Variants in JAK2 observed in about 807,000 individuals in gnomAD.
JAK2 encodes tyrosine-protein kinase JAK2.
Under a neutral mutation model 139.3 loss-of-function variants are expected in JAK2, and 86 were observed. That is an observed-to-expected ratio of 0.62 (90% CI 0.52 to 0.74). The LOEUF (loss-of-function observed/expected upper bound fraction) is 0.74. JAK2 is among the 30% of genes least tolerant of loss of function. The pLI, the probability that JAK2 is intolerant of heterozygous loss-of-function variation, is 0.00. For missense variants in JAK2, 1,421 were observed against 1,360.3 expected (o/e 1.04, Z -0.70); for synonymous variants, 490 against 437.7 (o/e 1.12, Z -1.49).
At chr9:5,058,125 A>G (rs1368651804) in intron 8 of JAK2, among the ~76,000 whole-genome samples, 5 of 152,310 alleles carry the variant, frequency 3.3e-5, no homozygotes, top group Non-Finnish European at 7.3e-5. Context: ...CTTTTTGACA[A>G]TTGTGAGTAA....
At position 5,126,992 on chromosome 9, in the gene JAK2, G is replaced by C; in HGVS notation, c.*201G>C. 1 of 322,810 alleles carries C rather than the reference G, an allele frequency of 3.1e-6. No individual in the cohort carries two copies. 20.0% of individuals were successfully genotyped at this position (322,810 alleles called of 1,614,324 possible). On this transcript the variant is annotated 3_prime_UTR_variant, in exon 25 of 25. Coordinates refer to ENST00000381652, the MANE Select transcript of JAK2 (RefSeq NM_004972.4). Reference sequence around the variant, plus strand: ...GGCCACCAGTAAAAGACATTAATGAGAATTCCTTAGCAAGGATTTTGTAAG... The same window carrying C: ...GGCCACCAGTAAAAGACATTAATGACAATTCCTTAGCAAGGATTTTGTAAG...
chr9:5,098,399 C>T (rs1464356616), intron 22 of JAK2: 2 of 152,162 alleles, frequency 1.3e-5, no homozygotes, highest in African/African-American at 2.4e-5. Context: ...ATAGAAGAAC[C>T]GCTCACTTTC....
At chr9:5,110,175 G>A (rs1313393413) in intron 22 of JAK2, 1 of 152,146 alleles carries the variant, frequency 6.6e-6, no homozygotes, top group African/African-American at 2.4e-5. Flanking sequence ...ATCCGCCATA[G>A]AAGGCCCAAC....
At chr9:4,993,186 T>C (rs1482317499) in intron 2 of JAK2, among the ~76,000 whole-genome samples, 1 of 152,182 alleles carries the variant, frequency 6.6e-6, no homozygotes, top group Non-Finnish European at 1.5e-5. Context: ...AGGAACTCTT[T>C]CCTCCCCTAA....
intron 22 of JAK2, chr9:5,112,611 T>A: frequency 1.2e-6 from 1 of 867,380 alleles, no homozygotes; most frequent in Non-Finnish European, 1.8e-6. Context: ...CTGGGGCGCA[T>A]GTGGCAACTG....
chr9:5,029,652 G>A (rs1718934373), intron 3 of JAK2, 131 bp from the exon 4 acceptor site: 1 of 737,954 alleles, frequency 1.4e-6, no homozygotes, highest in Non-Finnish European at 2.1e-6. Flanking sequence ...TATATCAAAA[G>A]ATTTCGACTG....
At chr9:5,089,642 G>GTATT in intron 19 of JAK2, 32 bp from the exon 20 acceptor site, 1 of 1,163,814 alleles carries the variant, frequency 8.6e-7, no homozygotes, top group East Asian at 3.0e-5. Context: ...TGAAAACTTG[G>GTATT]TATTTCCATC....
At chr9:5,125,486 G>A (rs917247514) in intron 23 of JAK2, among the ~76,000 whole-genome samples, 9 of 151,304 alleles carry the variant, frequency 5.9e-5, no homozygotes, top group African/African-American at 1.9e-4. Context: ...ACATCCTCAT[G>A]CATAAATATT....
chr9:5,069,338 C>T, intron 11 of JAK2, 130 bp downstream of exon 11: 1 of 613,524 alleles, frequency 1.6e-6, no homozygotes, highest in Non-Finnish European at 2.8e-6. Context: ...TTATCTTATT[C>T]TATTGTACAA....
chr9:5,023,784 G>C (rs576532005), intron 3 of JAK2, among the ~76,000 whole-genome samples: 1 of 152,266 alleles, frequency 6.6e-6, no homozygotes, highest in African/African-American at 2.4e-5. Flanking sequence ...GTGGATATGA[G>C]AGACCTCTGG....
intron 12 of JAK2, among the ~76,000 whole-genome samples, chr9:5,071,938 T>G (rs1339733104): frequency 6.6e-6 from 1 of 152,228 alleles, no homozygotes; most frequent in Non-Finnish European, 1.5e-5. Context: ...TTAATGCACA[T>G]TTACTATGTG....
At chr9:5,002,576 G>C (rs555565322) in intron 2 of JAK2, among the ~76,000 whole-genome samples, 1 of 152,072 alleles carries the variant, frequency 6.6e-6, no homozygotes, top group East Asian at 1.9e-4. Context: ...AATGTTCTGT[G>C]AGCACTTGAA....
Position 4,993,086 on chromosome 9 carries a change from C to G in JAK2, c.-26+7064C>G, listed in dbSNP as rs143484599. ...TTATATAGCAACTGTCCCTTTCATT[C>G]CAAGCTAATACAACTCCTTTAAAAA... On this transcript the variant is annotated intron_variant, in intron 2 of 24. Coordinates refer to ENST00000381652, the MANE Select transcript of JAK2 (RefSeq NM_004972.4). Among the ~76,000 whole-genome samples the G allele has an allele frequency of 3.7e-3, 568 of 152,324 alleles. 1 individual carries two copies. Among genetic ancestry groups the G allele is most frequent in the African/African-American group, 0.013 (536 of 41,568 alleles).
chr9:5,048,727 A>G (rs1320472009), intron 5 of JAK2, among the ~76,000 whole-genome samples: 2 of 152,218 alleles, frequency 1.3e-5, no homozygotes, highest in African/African-American at 4.8e-5. Flanking sequence ...AAAAGCAAAT[A>G]TACTTTTAAA....
Position 5,073,781 on chromosome 9 carries a change from C to T in JAK2, c.1860C>T (p.Asp620=), listed in dbSNP as rs375442615. Residue 620 remains aspartate, a synonymous_variant, in exon 14 of 25, where the codon GAC becomes GAT. Coordinates refer to ENST00000381652, the MANE Select transcript of JAK2 (RefSeq NM_004972.4). ...VLNYGVCVCG[D]ENILVQEFVK... ...ATTATGGAGTATGTGTCTGTGGAGACGAGAGTAAGTAAAACTACAGGCTTT... is the reference window on the plus strand; with the variant it reads ...ATTATGGAGTATGTGTCTGTGGAGATGAGAGTAAGTAAAACTACAGGCTTT... 4.2e-4 allele frequency: 669 copies of T among 1,596,762 alleles called. 8 individuals are homozygous for T. In the South Asian group the frequency reaches 5.3e-3, roughly 13 times the overall value.
chr9:5,080,726 T>C (rs756426153), intron 18 of JAK2, 43 bp downstream of exon 18: 2 of 1,391,146 alleles, frequency 1.4e-6, no homozygotes, highest in South Asian at 1.5e-5. Flanking sequence ...GCTTTCTATC[T>C]TTATTGTATT....
chr9:4,993,035 G>A (rs960672983), intron 2 of JAK2, among the ~76,000 whole-genome samples: 4 of 152,136 alleles, frequency 2.6e-5, no homozygotes, highest in Non-Finnish European at 5.9e-5. Context: ...CCTGCCTGTA[G>A]TGCTCCAGAG....
chr9:5,124,779 G>C (rs969100264), intron 23 of JAK2, among the ~76,000 whole-genome samples: 1 of 151,518 alleles, frequency 6.6e-6, no homozygotes, highest in African/African-American at 2.4e-5. Flanking sequence ...ACTGATCTTT[G>C]ACAAAATCAA....
chr9:5,036,822 A>T (rs1330912322), intron 4 of JAK2, among the ~76,000 whole-genome samples: 2 of 152,218 alleles, frequency 1.3e-5, no homozygotes, highest in Non-Finnish European at 2.9e-5. Context: ...CATGTCTAAA[A>T]CACCAAAAGC....
Sources: allele counts gnomAD v4.1 joint callset (sites outside exome capture counted in the v4.1 genomes callset), GRCh38; gene constraint gnomAD v4.1.1; transcripts MANE v1.5; gene names NCBI Gene and HGNC (gene_info 2026-07-23, HGNC 2026-07-21).